Variants in SLC44A5 observed in about 807,000 individuals in gnomAD.
SLC44A5 encodes solute carrier family 44 member 5.
SLC44A5 carries 57 observed loss-of-function variants against 101.8 expected under a neutral mutation model. That is an observed-to-expected ratio of 0.56 (90% CI 0.45 to 0.70). The LOEUF (loss-of-function observed/expected upper bound fraction) is 0.70, where lower values mean the gene tolerates loss of function less well. SLC44A5 is among the 30% of genes least tolerant of loss of function. The pLI is 0.00. For synonymous variants in SLC44A5, 281 were observed against 290.9 expected, an observed-to-expected ratio of 0.97 and a Z score of 0.35; for missense variants, 737 against 853.1, an observed-to-expected ratio of 0.86 and a Z score of 1.70.
chr1:75,652,391 C>T, the SLC44A5 span, among the ~76,000 whole-genome samples: 39 of 152,212 alleles, frequency 2.6e-4, no homozygotes, highest in African/African-American at 9.2e-4. Context: ...CTGCCTTATG[C>T]TCCCAGTTAA....
At chr1:75,440,008 CAG>C (rs1665107138) in intron 2 of SLC44A5, among the ~76,000 whole-genome samples, 2 of 151,836 alleles carry the variant, frequency 1.3e-5, no homozygotes, top group Admixed American at 6.6e-5. Flanking sequence ...GCCAAGAAGA[CAG>C]GGGGAAAATA....
chr1:75,272,094 T>C (rs1651526765), intron 6 of SLC44A5, among the ~76,000 whole-genome samples: 1 of 152,166 alleles, frequency 6.6e-6, no homozygotes. Context: ...CATATGTTTG[T>C]TGGCTATTTG....
chr1:75,292,019 AAAAAAG>A (rs1653592605), intron 5 of SLC44A5, among the ~76,000 whole-genome samples: 1 of 145,332 alleles, frequency 6.9e-6, no homozygotes, highest in Non-Finnish European at 1.5e-5. Context: ...CTCAAAAAAA[AAAAAAG>A]AAAAGAAAAG....
the SLC44A5 span, among the ~76,000 whole-genome samples, chr1:75,678,013 G>A: frequency 1.3e-5 from 2 of 152,336 alleles, no homozygotes; most frequent in East Asian, 3.9e-4. Context: ...ACGGCACCAG[G>A]AAAATTGGGT....
At chr1:75,615,887 CT>C (rs1675858009), upstream of SLC44A5, 1 of 987,534 alleles carries the variant, frequency 1.0e-6, no homozygotes. Context: ...TCTTGGCCAT[CT>C]TCTGTCCCCT....
the SLC44A5 span, among the ~76,000 whole-genome samples, chr1:75,623,160 G>C: frequency 6.6e-6 from 1 of 152,064 alleles, no homozygotes; most frequent in Non-Finnish European, 1.5e-5. Context: ...TTACAAGGGA[G>C]ATAGAATTAA....
At chr1:75,409,482 C>A (rs1266086126) in intron 2 of SLC44A5, among the ~76,000 whole-genome samples, 2 of 152,014 alleles carry the variant, frequency 1.3e-5, no homozygotes, top group African/African-American at 4.8e-5. Context: ...TAGTGCTACC[C>A]TGTTAGAACA....
In SLC44A5 at chr1:75,277,995, C is replaced by T. The variant is rs141836235; in HGVS notation, c.176-2953G>A. 3.3e-3 allele frequency among the ~76,000 whole-genome samples: 504 copies of T among 152,234 alleles called. 2 individuals carry two copies. The highest frequency in any genetic ancestry group is 0.012 in the African/African-American group (487 of 41,546). On this transcript the variant is annotated intron_variant, in intron 5 of 23. Transcript: ENST00000370859. ...TATTAATAAATTAAGGAGCTTCTGA[C>T]ATTTTACTCCCTTTCTTGGAATTTT...
the SLC44A5 span, among the ~76,000 whole-genome samples, chr1:75,650,289 C>T: frequency 1.5e-3 from 235 of 152,228 alleles, 1 homozygote; most frequent in African/African-American, 5.3e-3. Flanking sequence ...GCGTGTTGTA[C>T]AAATGGTGTT....
At chr1:75,420,245 C>G (rs1451619755) in intron 2 of SLC44A5, among the ~76,000 whole-genome samples, 2 of 152,108 alleles carry the variant, frequency 1.3e-5, no homozygotes, top group East Asian at 3.9e-4. Context: ...TGTTTATAAG[C>G]TACCCAGTCT....
chr1:75,583,846 TGCC>T (rs1434063149), intron 1 of SLC44A5, among the ~76,000 whole-genome samples: 7 of 152,192 alleles, frequency 4.6e-5, no homozygotes. Context: ...GGGAAGCATC[TGCC>T]TCCCTTCCCT....
intron 1 of SLC44A5, among the ~76,000 whole-genome samples, chr1:75,568,786 C>T (rs984200835): frequency 1.3e-5 from 2 of 152,136 alleles, no homozygotes; most frequent in African/African-American, 2.4e-5. Context: ...TAAAGCACAA[C>T]GTTTTCTCAT....
intron 14 of SLC44A5, among the ~76,000 whole-genome samples, chr1:75,221,156 G>T (rs1212225613): frequency 6.6e-6 from 1 of 152,150 alleles, no homozygotes; most frequent in Non-Finnish European, 1.5e-5. Context: ...CTAACTGCTT[G>T]TTAACTATTT....
intron 1 of SLC44A5, among the ~76,000 whole-genome samples, chr1:75,558,411 C>G (rs920721371): frequency 6.6e-6 from 1 of 152,102 alleles, no homozygotes; most frequent in African/African-American, 2.4e-5. Context: ...ACTAGCACAG[C>G]CATCACGCTG....
At chr1:75,394,613 C>CT (rs1269576974) in intron 3 of SLC44A5, among the ~76,000 whole-genome samples, 1 of 152,112 alleles carries the variant, frequency 6.6e-6, no homozygotes, top group Non-Finnish European at 1.5e-5. Context: ...GAGCCACTGG[C>CT]TTTGGTGGGC....
chr1:75,673,724 ACT>A, the SLC44A5 span, among the ~76,000 whole-genome samples: 1 of 151,862 alleles, frequency 6.6e-6, no homozygotes, highest in Non-Finnish European at 1.5e-5. Flanking sequence ...GAACAGAGAG[ACT>A]CTGCTTGTTT....
intron 13 of SLC44A5, among the ~76,000 whole-genome samples, chr1:75,225,698 T>G (rs966695896): frequency 6.6e-6 from 1 of 152,224 alleles, no homozygotes; most frequent in African/African-American, 2.4e-5. Flanking sequence ...TATGCTTTTG[T>G]TTTTGGTACC....
chr1:75,579,337 G>A (rs916778288), intron 1 of SLC44A5, among the ~76,000 whole-genome samples: 4 of 152,282 alleles, frequency 2.6e-5, no homozygotes, highest in Middle Eastern at 3.4e-3. Context: ...CAGCTACTTG[G>A]GAGACTGATG....
rs1671048115 is a variant in SLC44A5 at position 75,536,847 on chromosome 1, A to G, written c.13+4588T>C. ...CGGTGAAACCCCGTCTCTACTAAAA[A>G]TACAAAAAATTAGCCGGGCGTAGTG... On this transcript the variant is annotated intron_variant, in intron 2 of 23. Transcript: ENST00000370859. Among the ~76,000 whole-genome samples the G allele has an allele frequency of 3.6e-5, 5 of 139,842 alleles. No individual in the cohort carries two copies. In the South Asian group the frequency reaches 1.2e-3, roughly 33 times the overall value. The allele number at this position is 139,842 out of a possible 152,430, so 91.7% of individuals were successfully genotyped here.
Sources: allele counts gnomAD v4.1 joint callset (sites outside exome capture counted in the v4.1 genomes callset), GRCh38; gene constraint gnomAD v4.1.1; transcripts MANE v1.5; gene names NCBI Gene and HGNC (gene_info 2026-07-23, HGNC 2026-07-21).